Variants in CHST8 observed in about 807,000 individuals in gnomAD.
CHST8 encodes the protein carbohydrate sulfotransferase 8.
In CHST8, 10 loss-of-function variants were observed where a neutral mutation model predicts 15.0. The ratio of observed to expected loss-of-function variants is 0.67; its 90% CI spans 0.41 to 1.13. The LOEUF (loss-of-function observed/expected upper bound fraction) is 1.13, where lower values mean the gene tolerates loss of function less well. Ranked by LOEUF, CHST8 falls within the 50% of genes most tolerant of loss-of-function variation. CHST8 has a pLI of 0.00. For synonymous variants in CHST8, 259 were observed against 256.6 expected (o/e 1.01, Z -0.09); for missense variants, 634 against 608.2 (o/e 1.04, Z -0.45).
chr19:33,724,539 C>T (rs1274843125), intron 3 of CHST8, among the ~76,000 whole-genome samples: 2 of 152,202 alleles, frequency 1.3e-5, no homozygotes, highest in Admixed American at 6.5e-5. Flanking sequence ...TTAAAATGTG[C>T]GTCTGCAGCC....
rs758123831 is a variant in CHST8, at chr19:33,689,180, C to T, written c.-82C>T. 9.3e-5 allele frequency: 135 copies of T among 1,446,656 alleles called. 1 individual carries two copies. Among genetic ancestry groups the T allele is most frequent in the East Asian group, 7.8e-5 (3 of 38,478 alleles). 89.6% of individuals were successfully genotyped at this position (1,446,656 alleles called of 1,614,324 possible). ...TATCCCTCCTCTGCCCCGTAGATCT[C>T]GGCCTGATGGACGCCTGGTGTGGAC... On this transcript the variant is annotated 5_prime_UTR_variant, in exon 3 of 5. Coordinates refer to ENST00000650847, the MANE Select transcript of CHST8 (RefSeq NM_001127895.2).
intron 3 of CHST8, among the ~76,000 whole-genome samples, chr19:33,714,156 A>G (rs1420036343): frequency 6.6e-6 from 1 of 152,178 alleles, no homozygotes; most frequent in East Asian, 1.9e-4. Flanking sequence ...CGGGCTATCT[A>G]CCCAAAGGAA....
intron 1 of CHST8, among the ~76,000 whole-genome samples, chr19:33,631,332 G>C (rs539945566): frequency 5.3e-5 from 8 of 152,032 alleles, no homozygotes; most frequent in African/African-American, 1.7e-4. Flanking sequence ...CTCAGCTTTC[G>C]TGTGTCTGTT....
chr19:33,667,545 C>T (rs1415285241), intron 1 of CHST8, among the ~76,000 whole-genome samples: 2 of 152,128 alleles, frequency 1.3e-5, no homozygotes, highest in Non-Finnish European at 2.9e-5. Context: ...AAGGAACAAA[C>T]GGTGCCAAAT....
At chr19:33,682,169 G>A (rs1158835392) in intron 2 of CHST8, among the ~76,000 whole-genome samples, 1 of 145,880 alleles carries the variant, frequency 6.9e-6, no homozygotes, top group Non-Finnish European at 1.5e-5. Context: ...GTGTGTGTGT[G>A]TTGTGGTTTT....
At chr19:33,682,184 G>GTTTTT (rs1568325315) in intron 2 of CHST8, among the ~76,000 whole-genome samples, 26 of 121,914 alleles carry the variant, frequency 2.1e-4, no homozygotes, top group African/African-American at 6.4e-4. Context: ...GGTTTTTGTT[G>GTTTTT]TTGTTTTTTT....
At chr19:33,771,379 G>A (rs775070377) in intron 3 of CHST8, 34 bp from the exon 4 acceptor site, 16 of 1,612,018 alleles carry the variant, frequency 9.9e-6, no homozygotes, top group Admixed American at 5.0e-5. Context: ...TGGCAGATCC[G>A]CTAATACTGT....
intron 3 of CHST8, among the ~76,000 whole-genome samples, chr19:33,756,271 G>A (rs927677352): frequency 2.6e-5 from 4 of 152,180 alleles, no homozygotes; most frequent in Non-Finnish European, 4.4e-5. Context: ...CAGAGCTAAC[G>A]AGGCTGGCGT....
At chr19:33,708,289 C>T (rs372962949) in intron 3 of CHST8, among the ~76,000 whole-genome samples, 18 of 152,220 alleles carry the variant, frequency 1.2e-4, no homozygotes, top group African/African-American at 2.4e-4. Context: ...TTTTGTGTTG[C>T]GTCTAAGAAA....
chr19:33,645,185 CG>C (rs1359574895), intron 1 of CHST8, among the ~76,000 whole-genome samples: 1 of 152,018 alleles, frequency 6.6e-6, no homozygotes, highest in African/African-American at 2.4e-5. Flanking sequence ...GTGAAAGGAA[CG>C]GCGAGGAAGT....
At chr19:33,701,885 G>C (rs1973343992) in intron 3 of CHST8, among the ~76,000 whole-genome samples, 1 of 152,196 alleles carries the variant, frequency 6.6e-6, no homozygotes. Flanking sequence ...GCTCAGCCAG[G>C]ATTTGACCCC....
At chr19:33,625,639 A>C (rs1972043060) in intron 1 of CHST8, among the ~76,000 whole-genome samples, 1 of 152,076 alleles carries the variant, frequency 6.6e-6, no homozygotes, top group South Asian at 2.1e-4. Flanking sequence ...AGGTGGGTGG[A>C]TCACTTGAGG....
chr19:33,629,076 G>A (rs1972092127), intron 1 of CHST8, among the ~76,000 whole-genome samples: 1 of 152,198 alleles, frequency 6.6e-6, no homozygotes, highest in African/African-American at 2.4e-5. Flanking sequence ...ACAGCCCAGT[G>A]CCCATAGCTC....
rs1007725816 is a variant in CHST8 at position 33,630,821 on chromosome 19, G to C, written c.-164+8525G>C. 7.9e-5 allele frequency among the ~76,000 whole-genome samples: 12 copies of C among 152,306 alleles called. No individual in the cohort carries two copies. In the East Asian group the frequency reaches 2.1e-3, roughly 27 times the overall value. ...CTGTCTACACTTGGTTGAGTCTAGG[G>C]CATGAGCACTAGAACATTCCATGTA... On this transcript the variant is annotated intron_variant, in intron 1 of 4. Transcript: ENST00000650847.
rs201401625 is a variant in CHST8 at position 33,757,931 on chromosome 19, AGCCCTTGGCTG to A, written c.131-13480_131-13470del. ...AGCCTTCCAGAGCTTCTCTTGCCCC[AGCCCTTGGCTG>A]GACCTGACTCCAGCTTCAAGGCCCT... On this transcript the variant is annotated intron_variant, in intron 3 of 4. Transcript: ENST00000650847. Among the ~76,000 whole-genome samples the A allele has an allele frequency of 8.4e-3, 1,276 of 152,260 alleles. 16 individuals are homozygous for A. The highest frequency in any genetic ancestry group is 0.029 in the African/African-American group (1,204 of 41,554).
chr19:33,704,346 G>C (rs890442726), intron 3 of CHST8, among the ~76,000 whole-genome samples: 4 of 152,248 alleles, frequency 2.6e-5, no homozygotes, highest in Non-Finnish European at 5.9e-5. Context: ...TGCCCTCAGG[G>C]TCTGGGTCTG....
At chr19:33,685,262 G>C (rs1972956627) in intron 2 of CHST8, 1 of 152,212 alleles carries the variant, frequency 6.6e-6, no homozygotes, top group African/African-American at 2.4e-5. Context: ...TTTCTTCAAA[G>C]AGACACATTT....
intron 1 of CHST8, among the ~76,000 whole-genome samples, chr19:33,633,061 C>T (rs1212970088): frequency 6.6e-6 from 1 of 151,682 alleles, no homozygotes; most frequent in Non-Finnish European, 1.5e-5. Context: ...GAACTCCTGA[C>T]CTCAGGTGAT....
intron 3 of CHST8, among the ~76,000 whole-genome samples, chr19:33,762,900 C>T (rs1974766537): frequency 6.7e-6 from 1 of 148,874 alleles, no homozygotes; most frequent in Non-Finnish European, 1.5e-5. Flanking sequence ...CTTGCTCTGT[C>T]GCCCAGGCTG....
Sources: allele counts gnomAD v4.1 joint callset (sites outside exome capture counted in the v4.1 genomes callset), GRCh38; gene constraint gnomAD v4.1.1; transcripts MANE v1.5; gene names NCBI Gene and HGNC (gene_info 2026-07-23, HGNC 2026-07-21).